PCNX2: variants seen among roughly 807,000 people sequenced by gnomAD.
PCNX2 encodes the protein pecanex-like protein 2.
In PCNX2, 168 loss-of-function variants were observed where a neutral mutation model predicts 223.8. That is an observed-to-expected ratio of 0.75 (90% confidence interval 0.66 to 0.85). The LOEUF (loss-of-function observed/expected upper bound fraction) is 0.85. PCNX2 is among the 40% of genes least tolerant of loss of function. PCNX2 has a pLI of 0.00. For synonymous variants in PCNX2, 1,006 were observed against 1,052.6 expected (o/e 0.96, Z 0.86); for missense variants, 2,507 against 2,675.5 (o/e 0.94, Z 1.39).
At chr1:233,095,507 G>T (rs1263353367) in intron 22 of PCNX2, 2 of 504,566 alleles carry the variant, frequency 4.0e-6, no homozygotes, top group African/African-American at 1.9e-5. Flanking sequence ...CTGGGCATGG[G>T]AAATGGAAGG....
intron 25 of PCNX2, among the ~76,000 whole-genome samples, chr1:233,042,823 A>C (rs1365053747): frequency 6.6e-6 from 1 of 152,232 alleles, no homozygotes; most frequent in African/African-American, 2.4e-5. Context: ...TGCAAGTGAC[A>C]AAATGAATTA....
At chr1:233,123,883 C>T (rs1675948348) in intron 21 of PCNX2, among the ~76,000 whole-genome samples, 1 of 152,188 alleles carries the variant, frequency 6.6e-6, no homozygotes, top group African/African-American at 2.4e-5. Context: ...TATAGTCATT[C>T]TGTAGATTCC....
intron 21 of PCNX2, among the ~76,000 whole-genome samples, chr1:233,112,212 T>C (rs554900641): frequency 3.9e-5 from 6 of 152,334 alleles, no homozygotes; most frequent in East Asian, 1.9e-4. Context: ...GCACCTGGTA[T>C]AGAATTGAAA....
chr1:232,999,454 T>C, intron 30 of PCNX2, 75 bp from the exon 31 acceptor site: 1 of 461,404 alleles, frequency 2.2e-6, no homozygotes, highest in Non-Finnish European at 2.9e-6. Flanking sequence ...TTCTTTTTCT[T>C]TTTTTTTTTT....
intron 17 of PCNX2, among the ~76,000 whole-genome samples, chr1:233,171,350 T>C (rs1286254944): frequency 6.6e-6 from 1 of 152,120 alleles, no homozygotes; most frequent in South Asian, 2.1e-4. Flanking sequence ...CAAGGTCACT[T>C]TCTACTGAAA....
intron 25 of PCNX2, among the ~76,000 whole-genome samples, chr1:233,043,869 T>C (rs866513112): frequency 4.6e-5 from 7 of 151,452 alleles, no homozygotes; most frequent in South Asian, 2.1e-4. Context: ...AACAAACATA[T>C]GTGTGCATGT....
intron 32 of PCNX2, 35 bp from the exon 33 acceptor site, chr1:232,986,575 G>C: frequency 6.8e-7 from 1 of 1,466,162 alleles, no homozygotes. Flanking sequence ...GTTGTAGCGG[G>C]TGGGTCATGA....
chr1:233,100,999 C>G (rs1381330534), intron 21 of PCNX2, among the ~76,000 whole-genome samples: 1 of 152,160 alleles, frequency 6.6e-6, no homozygotes, highest in East Asian at 1.9e-4. Flanking sequence ...ATCGCAGAAA[C>G]TGGCTGCTGA....
chr1:233,188,973 G>A (rs1340547044), intron 15 of PCNX2, among the ~76,000 whole-genome samples: 1 of 152,206 alleles, frequency 6.6e-6, no homozygotes, highest in East Asian at 1.9e-4. Flanking sequence ...CCACATTCAA[G>A]GGGAGGAAAT....
rs1425574092 is a variant in PCNX2, at chr1:233,295,607, C to T, written c.-129G>A. On this transcript the variant is annotated 5_prime_UTR_variant, in exon 1 of 34. Coordinates refer to ENST00000258229, the MANE Select transcript of PCNX2 (RefSeq NM_014801.4). The surrounding 1 kb of genome is among the most constrained non-coding windows in gnomAD (Gnocchi z 4.1). ...CCCCGCCGTCGCCGCCGCCGTCGCC[C>T]CCGCCGCCTCCTTCCACCCCACGTT... The T allele has an allele frequency of 5.0e-6, 5 of 1,003,400 alleles. No homozygotes were observed. In the African/African-American group the frequency reaches 6.8e-5, roughly 14 times the overall value. The allele number at this position is 1,003,400 out of a possible 1,614,324, so 62.2% of individuals were successfully genotyped here. A position where few individuals can be genotyped will look rare whatever the true frequency, so the allele number is the denominator to read the frequency against.
chr1:233,310,451 A>G, the PCNX2 span, among the ~76,000 whole-genome samples: 1 of 152,236 alleles, frequency 6.6e-6, no homozygotes, highest in Non-Finnish European at 1.5e-5. Context: ...GTCTACCAGA[A>G]ACCACTGTCC....
intron 25 of PCNX2, among the ~76,000 whole-genome samples, chr1:233,048,751 A>G (rs1671902250): frequency 2.0e-5 from 3 of 152,162 alleles, no homozygotes; most frequent in Admixed American, 1.3e-4. Flanking sequence ...AGATTGATAG[A>G]CCACTAACTA....
chr1:233,305,962 A>C, the PCNX2 span, among the ~76,000 whole-genome samples: 2 of 152,216 alleles, frequency 1.3e-5, no homozygotes, highest in Non-Finnish European at 2.9e-5. Context: ...TCAAAAGGCA[A>C]AGTTTGCCAG....
rs115542477 is a variant in PCNX2 at position 233,199,365 on chromosome 1, T to C, written c.2975-335A>G. Among the ~76,000 whole-genome samples, 1,422 of 151,784 alleles carry C rather than the reference T, an allele frequency of 9.4e-3. 21 individuals carry two copies. Among genetic ancestry groups the C allele is most frequent in the African/African-American group, 0.032 (1,323 of 41,368 alleles). ...GAAAAGGTCCTAGATAGCAATTCAATAGAATAAATGGGAAGGAGAAGGAGG... is the reference window on the plus strand; with the variant it reads ...GAAAAGGTCCTAGATAGCAATTCAACAGAATAAATGGGAAGGAGAAGGAGG... On this transcript the variant is annotated intron_variant, in intron 14 of 33. Transcript: ENST00000258229.
intron 1 of PCNX2, among the ~76,000 whole-genome samples, chr1:233,292,329 T>G (rs1661824229): frequency 6.6e-6 from 1 of 151,548 alleles, no homozygotes; most frequent in Non-Finnish European, 1.5e-5. Flanking sequence ...GTCTCAGCCT[T>G]CATGAGTCAC....
At chr1:233,219,942 C>T (rs1657267444) in intron 10 of PCNX2, among the ~76,000 whole-genome samples, 1 of 152,210 alleles carries the variant, frequency 6.6e-6, no homozygotes, top group East Asian at 1.9e-4. Flanking sequence ...ACCTATTCAT[C>T]ACTCCCCTAC....
At position 233,190,016 on chromosome 1, in the gene PCNX2, C is replaced by T. The variant is rs1375001393; in HGVS notation, c.3066+8923G>A. 3.3e-5 allele frequency among the ~76,000 whole-genome samples: 5 copies of T among 152,124 alleles called. No homozygotes were observed. The South Asian group carries it at 8.3e-4, about 25-fold the overall frequency. ...AAAAGAGGAATCAAATTTTCTTTCC[C>T]TAATTAATATTCCAGAGGACAAAAT... On this transcript the variant is annotated intron_variant, in intron 15 of 33. Coordinates refer to ENST00000258229, the MANE Select transcript of PCNX2 (RefSeq NM_014801.4).
chr1:233,232,436 C>T (rs536485513), intron 9 of PCNX2, among the ~76,000 whole-genome samples: 3 of 152,162 alleles, frequency 2.0e-5, no homozygotes, highest in Admixed American at 6.5e-5. Context: ...TTTCAACTTA[C>T]GATATTTTCA....
intron 9 of PCNX2, among the ~76,000 whole-genome samples, chr1:233,232,243 T>A (rs569618338): frequency 6.6e-6 from 1 of 152,322 alleles, no homozygotes; most frequent in African/African-American, 2.4e-5. Context: ...TACAATACTA[T>A]GAAAGTGATA....
Sources: allele counts gnomAD v4.1 joint callset (sites outside exome capture counted in the v4.1 genomes callset), GRCh38; gene constraint gnomAD v4.1.1; non-coding constraint Gnocchi (gnomAD v3.1); transcripts MANE v1.5; gene names NCBI Gene and HGNC (gene_info 2026-07-23, HGNC 2026-07-21).